Variants in BIRC6 observed in about 807,000 individuals in gnomAD.
BIRC6 encodes the protein baculoviral IAP repeat containing 6.
Under a neutral mutation model 503.3 loss-of-function variants are expected in BIRC6, and 98 were observed. The ratio of observed to expected loss-of-function variants is 0.19; its 90% confidence interval spans 0.17 to 0.23. The LOEUF is 0.23. BIRC6 is among the 10% of genes least tolerant of loss of function. The pLI, the probability that BIRC6 is intolerant of heterozygous loss-of-function variation, is 1.00. For missense variants in BIRC6, 5,360 were observed against 5,806.0 expected (o/e 0.92, Z 2.50); for synonymous variants, 2,240 against 2,078.7 (o/e 1.08, Z -2.11).
At chr2:32,383,161 C>T (rs760009189) in intron 3 of BIRC6, among the ~76,000 whole-genome samples, 2 of 151,960 alleles carry the variant, frequency 1.3e-5, no homozygotes, top group Non-Finnish European at 1.5e-5. Context: ...GTTCTCCTGC[C>T]TCAGCCTCCC....
At chr2:32,370,271 A>T (rs1449701559) in intron 1 of BIRC6, among the ~76,000 whole-genome samples, 1 of 151,386 alleles carries the variant, frequency 6.6e-6, no homozygotes, top group South Asian at 2.1e-4. Context: ...CGTGGTGATT[A>T]TATTTTCAAA....
At chr2:32,575,027 C>T in intron 65 of BIRC6, 129 bp from the exon 66 acceptor site, 1 of 935,130 alleles carries the variant, frequency 1.1e-6, no homozygotes, top group Non-Finnish European at 1.7e-6. Flanking sequence ...AGATTACAGG[C>T]CTGAACCAGC....
rs1159220446 is a variant in BIRC6, at chr2:32,395,513, T to C, written c.954T>C (p.Pro318=). 1 of 1,605,322 alleles carries C rather than the reference T, an allele frequency of 6.2e-7. No individual in the cohort carries two copies. Among genetic ancestry groups the C allele is most frequent in the Admixed American group, 1.7e-5 (1 of 59,696 alleles). Reference sequence around the variant, plus strand: ...CTCTTTTCTTTATAATTTTGCAGCCTGCCTCATCTGGAGATGATAGAGCCA... The same window carrying C: ...CTCTTTTCTTTATAATTTTGCAGCCCGCCTCATCTGGAGATGATAGAGCCA... The part of the protein sequence containing the change: ...PMAQAGFYHQ[P]ASSGDDRAMC... Residue 318 remains proline, a splice_region_variant and synonymous_variant, in exon 6 of 74, where the codon CCT becomes CCC. Coordinates refer to ENST00000421745, the MANE Select transcript of BIRC6 (RefSeq NM_016252.4).
chr2:32,599,064 C>T (rs960308267), intron 69 of BIRC6, among the ~76,000 whole-genome samples: 5 of 146,400 alleles, frequency 3.4e-5, no homozygotes, highest in African/African-American at 1.0e-4. Flanking sequence ...TATGCTGGCT[C>T]ATGCCTGTAA....
At position 32,395,501 on chromosome 2, in the gene BIRC6, A is replaced by G; in HGVS notation, c.952-10A>G. ...TACCTTTTCTGTCTCTTTTCTTTATAATTTTGCAGCCTGCCTCATCTGGAG... is the reference window on the plus strand; with the variant it reads ...TACCTTTTCTGTCTCTTTTCTTTATGATTTTGCAGCCTGCCTCATCTGGAG... On this transcript the variant is annotated splice_polypyrimidine_tract_variant and intron_variant, in intron 5 of 73. Transcript: ENST00000421745. 1 of 1,589,794 alleles carries G rather than the reference A, an allele frequency of 6.3e-7. No individual in the cohort carries two copies. The highest frequency in any genetic ancestry group is 8.6e-7 in the Non-Finnish European group (1 of 1,162,034).
chr2:32,482,379 T>A, intron 38 of BIRC6, 50 bp from the exon 39 acceptor site: 3 of 1,577,694 alleles, frequency 1.9e-6, no homozygotes, highest in Non-Finnish European at 2.6e-6. Context: ...TAACGTGTCA[T>A]TCAGCCAAGA....
chr2:32,383,458 A>G lies in BIRC6; in HGVS notation c.645+3168A>G, dbSNP rs142533973. Among the ~76,000 whole-genome samples, 10 of 152,308 alleles carry G rather than the reference A, an allele frequency of 6.6e-5. No homozygotes were observed. In the East Asian group the frequency reaches 9.6e-4, roughly 15 times the overall value. The stretch of plus-strand genomic sequence containing the variant: ...AGCTCTGTCATCATTCAGCATCTCA[A>G]CTGGTCAGGATTCTTTACGTACATG... On this transcript the variant is annotated intron_variant, in intron 3 of 73. Coordinates refer to ENST00000421745, the MANE Select transcript of BIRC6 (RefSeq NM_016252.4).
At chr2:32,495,239 C>A (rs1275084854) in intron 45 of BIRC6, among the ~76,000 whole-genome samples, 1 of 152,168 alleles carries the variant, frequency 6.6e-6, no homozygotes, top group Non-Finnish European at 1.5e-5. Context: ...AGTTTAGTCA[C>A]ATCTAATATT....
At chr2:32,598,292 A>G (rs1222374222) in intron 69 of BIRC6, among the ~76,000 whole-genome samples, 1 of 152,166 alleles carries the variant, frequency 6.6e-6, no homozygotes, top group African/African-American at 2.4e-5. Context: ...AGAAAATATC[A>G]AAAGAGCCAT....
intron 65 of BIRC6, among the ~76,000 whole-genome samples, chr2:32,554,941 C>T (rs371539008): frequency 3.9e-5 from 6 of 152,052 alleles, no homozygotes; most frequent in Non-Finnish European, 5.9e-5. Context: ...ACCTAGCCAT[C>T]TTGCTAGGTC....
At chr2:32,454,175 C>A (rs1299660477) in intron 23 of BIRC6, among the ~76,000 whole-genome samples, 1 of 152,014 alleles carries the variant, frequency 6.6e-6, no homozygotes, top group Non-Finnish European at 1.5e-5. Context: ...TTAAATCATT[C>A]TGTTTTTATG....
chr2:32,371,589 C>A (rs1251435491), intron 1 of BIRC6, among the ~76,000 whole-genome samples: 1 of 151,956 alleles, frequency 6.6e-6, no homozygotes, highest in Non-Finnish European at 1.5e-5. Context: ...CACTGTGTTA[C>A]CCAGGCTGCT....
At position 32,487,890 on chromosome 2, in the gene BIRC6, G is replaced by A. The variant is rs75046659; in HGVS notation, c.7968+89G>A. 4,070 of 1,082,076 alleles carry A rather than the reference G, an allele frequency of 3.8e-3. 95 individuals carry two copies. The African/African-American group carries it at 0.059, about 16-fold the overall frequency. 67.0% of individuals were successfully genotyped at this position (1,082,076 alleles called of 1,614,324 possible). A position where few individuals can be genotyped will look rare whatever the true frequency, so the allele number is the denominator to read the frequency against. ...TAATTGGGAAGTTCATTCTAATCCT[G>A]TCAGGGATGATTTCTTTATTATATT... On this transcript the variant is annotated intron_variant, in intron 41 of 73. Coordinates refer to ENST00000421745, the MANE Select transcript of BIRC6 (RefSeq NM_016252.4).
chr2:32,383,424 T>C (rs1163122729), intron 3 of BIRC6, among the ~76,000 whole-genome samples: 1 of 152,222 alleles, frequency 6.6e-6, no homozygotes, highest in African/African-American at 2.4e-5. Context: ...GTATTACCTG[T>C]TCCTTATTAG....
At chr2:32,373,023 C>T (rs1053566062) in intron 1 of BIRC6, among the ~76,000 whole-genome samples, 4 of 152,104 alleles carry the variant, frequency 2.6e-5, no homozygotes, top group Admixed American at 2.6e-4. Flanking sequence ...AAGAAACTGT[C>T]AAACCAGTGT....
intron 33 of BIRC6, among the ~76,000 whole-genome samples, chr2:32,475,015 G>C (rs2049573434): frequency 6.6e-6 from 1 of 151,790 alleles, no homozygotes; most frequent in African/African-American, 2.4e-5. Flanking sequence ...TTCAAGACCG[G>C]CCTGGCCAAT....
intron 71 of BIRC6, among the ~76,000 whole-genome samples, chr2:32,606,389 A>T (rs2062452839): frequency 6.6e-6 from 1 of 151,960 alleles, no homozygotes; most frequent in African/African-American, 2.4e-5. Context: ...GAAGTTCGAG[A>T]CCAGCCTGGC....
chr2:32,616,059 C>T (rs969910562), intron 73 of BIRC6, among the ~76,000 whole-genome samples: 4 of 152,128 alleles, frequency 2.6e-5, no homozygotes, highest in East Asian at 1.9e-4. Flanking sequence ...TATATCCTTA[C>T]GTAAACTGCA....
At chr2:32,431,880 A>G (rs2044162621) in intron 12 of BIRC6, among the ~76,000 whole-genome samples, 1 of 152,254 alleles carries the variant, frequency 6.6e-6, no homozygotes. Context: ...AGAATGTTAA[A>G]ACAGAGTATG....
Sources: gnomAD v4.1 joint callset for allele counts (sites outside exome capture counted in the v4.1 genomes callset) on GRCh38, gnomAD v4.1.1 for gene constraint, MANE v1.5 for transcripts, NCBI Gene and HGNC (gene_info 2026-07-23, HGNC 2026-07-21) for gene names.